NBEA: variants seen among roughly 807,000 people sequenced by gnomAD.
NBEA encodes lysosomal-trafficking regulator 2.
Under a neutral mutation model 343.4 loss-of-function variants are expected in NBEA, and 44 were observed. The observed-to-expected ratio is 0.13, with a 90% CI of 0.10 to 0.16. The LOEUF (loss-of-function observed/expected upper bound fraction) is 0.16. Among genes scored for constraint, NBEA ranks in the 10% least tolerant of loss-of-function variants. NBEA has a pLI of 1.00. For missense variants in NBEA, 2,555 were observed against 3,631.3 expected, an observed-to-expected ratio of 0.70 and a Z score of 7.62; for synonymous variants, 1,175 against 1,238.7, an observed-to-expected ratio of 0.95 and a Z score of 1.08.
At chr13:35,351,636 C>T (rs1040464245) in intron 37 of NBEA, among the ~76,000 whole-genome samples, 8 of 151,868 alleles carry the variant, frequency 5.3e-5, no homozygotes, top group African/African-American at 1.9e-4. Context: ...AAATATGAAA[C>T]TGAGTACATT....
At chr13:35,462,018 C>T (rs2046933770) in intron 40 of NBEA, among the ~76,000 whole-genome samples, 1 of 152,168 alleles carries the variant, frequency 6.6e-6, no homozygotes, top group Non-Finnish European at 1.5e-5. Context: ...AGAATAGAAT[C>T]TGATTAGAAT....
rs950348425 is a variant in NBEA, at chr13:34,943,226, G to A, written c.294+112G>A. On this transcript the variant is annotated intron_variant, in intron 1 of 58. Transcript: ENST00000379939. ...GGGTCACACGCGCCGCGCGTCCCTG[G>A]GAGCGCAGAGCGTTCAGCCGGTATT... The A allele has an allele frequency of 3.6e-6, 5 of 1,398,416 alleles. No individual in the cohort carries two copies. The African/African-American group carries it at 5.8e-5, about 16-fold the overall frequency. 86.6% of individuals were successfully genotyped at this position (1,398,416 alleles called of 1,614,324 possible).
At chr13:35,639,941 C>T (rs564815203) in intron 49 of NBEA, among the ~76,000 whole-genome samples, 1 of 136,150 alleles carries the variant, frequency 7.3e-6, no homozygotes, top group African/African-American at 2.8e-5. Context: ...AAAGATAATA[C>T]TGAATTACAT....
chr13:35,560,264 A>G (rs1037478156), intron 44 of NBEA, among the ~76,000 whole-genome samples: 2 of 152,204 alleles, frequency 1.3e-5, no homozygotes, highest in Non-Finnish European at 2.9e-5. Flanking sequence ...TATTCCTGGT[A>G]CCATACAACT....
At chr13:35,279,757 A>G (rs2034913825) in intron 34 of NBEA, among the ~76,000 whole-genome samples, 1 of 152,096 alleles carries the variant, frequency 6.6e-6, no homozygotes, top group Admixed American at 6.6e-5. Context: ...TCAGGTATCA[A>G]AACACAATTT....
rs941216205 is a variant in NBEA, at chr13:35,670,820, C to A, written c.8814-81C>A. On this transcript the variant is annotated intron_variant, in intron 58 of 58. Coordinates refer to ENST00000379939, the MANE Select transcript of NBEA (RefSeq NM_001385012.1). ...ATATTGTCTAGTGTAAAATGCCAAA[C>A]TTTGAGATACTGTCTAGTGTAAAAT... is the stretch of plus-strand genomic sequence containing the variant. 11 of 954,624 alleles carry A rather than the reference C, an allele frequency of 1.2e-5. No homozygotes were observed. In the South Asian group the frequency reaches 1.4e-4, roughly 12 times the overall value. The allele number at this position is 954,624 out of a possible 1,614,324, so 59.1% of individuals were successfully genotyped here. A position where few individuals can be genotyped will look rare whatever the true frequency, so the allele number is the denominator to read the frequency against.
chr13:35,213,874 C>T (rs944713855), intron 33 of NBEA, among the ~76,000 whole-genome samples: 4 of 151,894 alleles, frequency 2.6e-5, no homozygotes, highest in South Asian at 2.1e-4. Context: ...CCCATCACCC[C>T]GAAAGTTCTG....
chr13:35,595,064 C>T (rs996793405), intron 47 of NBEA, among the ~76,000 whole-genome samples: 4 of 151,422 alleles, frequency 2.6e-5, no homozygotes, highest in Admixed American at 2.6e-4. Context: ...TTTTTATATA[C>T]AGTTTTAGAT....
chr13:35,121,661 C>A (rs1381534153), intron 16 of NBEA, among the ~76,000 whole-genome samples: 12 of 151,398 alleles, frequency 7.9e-5, no homozygotes, highest in African/African-American at 2.9e-4. Context: ...ATAGTTTATT[C>A]TTTAATAGAT....
chr13:35,376,649 G>C (rs2041757836), intron 38 of NBEA, among the ~76,000 whole-genome samples: 1 of 152,110 alleles, frequency 6.6e-6, no homozygotes, highest in Non-Finnish European at 1.5e-5. Context: ...TAGGAGGCCG[G>C]AGTCTTAGGG....
At chr13:35,588,540 ATACT>A (rs1347678654) in intron 46 of NBEA, among the ~76,000 whole-genome samples, 6 of 152,152 alleles carry the variant, frequency 3.9e-5, no homozygotes, top group Non-Finnish European at 1.5e-5. Context: ...AATTAACTAC[ATACT>A]TCATTACTTT....
chr13:35,395,406 G>A (rs2042698010), intron 38 of NBEA, among the ~76,000 whole-genome samples: 1 of 151,914 alleles, frequency 6.6e-6, no homozygotes, highest in African/African-American at 2.4e-5. Context: ...TGTAAGACGT[G>A]TCTGCTTCCC....
At chr13:35,534,748 G>GGGGC (rs2078445094) in intron 41 of NBEA, among the ~76,000 whole-genome samples, 1 of 152,162 alleles carries the variant, frequency 6.6e-6, no homozygotes, top group Non-Finnish European at 1.5e-5. Flanking sequence ...CATGAAAGGA[G>GGGGC]GGGCCGTCTC....
chr13:35,365,270 T>A (rs1282102765), intron 38 of NBEA, among the ~76,000 whole-genome samples: 1 of 151,780 alleles, frequency 6.6e-6, no homozygotes, highest in African/African-American at 2.4e-5. Flanking sequence ...AAAATCAGCA[T>A]GTAAATGTAA....
chr13:35,334,170 A>G (rs551014046), intron 36 of NBEA, among the ~76,000 whole-genome samples: 2 of 152,242 alleles, frequency 1.3e-5, no homozygotes, highest in East Asian at 3.9e-4. Context: ...CAAACAGTGT[A>G]TGAGGGTTCC....
At chr13:34,956,191 G>C (rs73490326) in intron 1 of NBEA, among the ~76,000 whole-genome samples, 2,209 of 152,250 alleles carry the variant, frequency 0.015, 56 homozygotes, top group African/African-American at 0.051. Flanking sequence ...ATTCTGAAGA[G>C]AATGTAAAGA....
At chr13:35,005,937 C>A (rs907928610) in intron 1 of NBEA, among the ~76,000 whole-genome samples, 14 of 152,124 alleles carry the variant, frequency 9.2e-5, no homozygotes, top group Admixed American at 2.0e-4. Context: ...CATTTCATAG[C>A]CTCCATGGGT....
At chr13:35,230,163 T>C (rs1380072345) in intron 33 of NBEA, among the ~76,000 whole-genome samples, 1 of 152,070 alleles carries the variant, frequency 6.6e-6, no homozygotes, top group African/African-American at 2.4e-5. Context: ...GAAATATCTG[T>C]TTTTATCTAT....
chr13:35,400,022 TAG>T (rs2042924089), intron 38 of NBEA, among the ~76,000 whole-genome samples: 4 of 18,134 alleles, frequency 2.2e-4, no homozygotes, highest in Non-Finnish European at 8.0e-4. Flanking sequence ...AAAACAGTTG[TAG>T]TAACATCAAA....
Sources: allele counts gnomAD v4.1 joint callset (sites outside exome capture counted in the v4.1 genomes callset), GRCh38; gene constraint gnomAD v4.1.1; transcripts MANE v1.5; gene names NCBI Gene and HGNC (gene_info 2026-07-23, HGNC 2026-07-21).